TMEM260: variants seen among roughly 807,000 people sequenced by gnomAD.
The protein encoded by TMEM260 is protein O-mannosyl-transferase TMEM260.
In TMEM260, 82 loss-of-function variants were observed where a neutral mutation model predicts 88.9. The observed-to-expected ratio is 0.92, with a 90% CI of 0.77 to 1.11. TMEM260 has a LOEUF of 1.11. Ranked by LOEUF, TMEM260 falls within the 50% of genes least tolerant of loss-of-function variation. The probability of loss-of-function intolerance (pLI) is 0.00; values close to 1 mark genes in which losing one functional copy is unlikely to be tolerated. For missense variants in TMEM260, 902 were observed against 853.4 expected, an observed-to-expected ratio of 1.06 and a Z score of -0.71; for synonymous variants, 314 against 309.3, an observed-to-expected ratio of 1.02 and a Z score of -0.16.
intron 6 of TMEM260, among the ~76,000 whole-genome samples, chr14:56,610,958 T>C (rs1887223505): frequency 2.7e-5 from 4 of 147,604 alleles, no homozygotes; most frequent in Admixed American, 2.0e-4. Context: ...TTTCTTTCTT[T>C]CTTTCTTTCT....
chr14:56,647,717 T>G lies in TMEM260; in HGVS notation c.*220T>G. On this transcript the variant is annotated 3_prime_UTR_variant, in exon 16 of 16. Transcript: ENST00000261556. Reference sequence around the variant, plus strand: ...TTATCCCGTGTTACCAAATTACCATTTCAGTGAGAAGCTTTTGAAAAGTCT... The same window carrying G: ...TTATCCCGTGTTACCAAATTACCATGTCAGTGAGAAGCTTTTGAAAAGTCT... The G allele has an allele frequency of 1.9e-6, 1 of 514,268 alleles. No homozygotes were observed. The highest frequency in any genetic ancestry group is 3.4e-6 in the Non-Finnish European group (1 of 297,544). The allele number at this position is 514,268 out of a possible 1,614,324, so 31.9% of individuals were successfully genotyped here.
rs117477520 is a variant in TMEM260 at position 56,583,309 on chromosome 14, G to A, written c.161-1692G>A. Among the ~76,000 whole-genome samples, 11 of 152,262 alleles carry A rather than the reference G, an allele frequency of 7.2e-5. No homozygotes were observed. The South Asian group carries it at 1.7e-3, about 23-fold the overall frequency. ...GATATAAAATGTGCTGGTTTCTCAG[G>A]TGCTCTTGAATATCTCTTAACAAAT... On this transcript the variant is annotated intron_variant, in intron 1 of 15. Coordinates refer to ENST00000261556, the MANE Select transcript of TMEM260 (RefSeq NM_017799.4).
the TMEM260 span, among the ~76,000 whole-genome samples, chr14:56,655,889 G>T: frequency 2.0e-5 from 3 of 152,096 alleles, no homozygotes; most frequent in African/African-American, 7.2e-5. Context: ...AAGTCACTGT[G>T]ACTTCCCTCC....
At position 56,608,052 on chromosome 14, in the gene TMEM260, ATTTC is replaced by A. The variant is rs764158726; in HGVS notation, c.637-1051_637-1048del. Among the ~76,000 whole-genome samples, 7 of 152,312 alleles carry A rather than the reference ATTTC, an allele frequency of 4.6e-5. No individual in the cohort carries two copies. The South Asian group carries it at 6.2e-4, about 14-fold the overall frequency. On this transcript the variant is annotated intron_variant, in intron 5 of 15. Transcript: ENST00000261556. ...GCAAAGGCATGTTGTTAGATTAGTT[ATTTC>A]TTATGCTCCTTTCATGCCATCATTT...
rs1555332287 is a variant in TMEM260, at chr14:56,579,855, T to C, written c.-60T>C. On this transcript the variant is annotated 5_prime_UTR_variant, in exon 1 of 16. Transcript: ENST00000261556. The stretch of plus-strand genomic sequence containing the variant: ...TGCGCTCGTCTCTCGGCTGGGGAGC[T>C]CCGTGTCGCACCGGGTTCTTGGGCT... 2.4e-6 allele frequency: 3 copies of C among 1,225,512 alleles called. No individual in the cohort carries two copies. The highest frequency in any genetic ancestry group is 2.0e-6 in the Non-Finnish European group (2 of 982,582). The allele number at this position is 1,225,512 out of a possible 1,614,324, so 75.9% of individuals were successfully genotyped here.
At chr14:56,649,707 G>T (rs1890160922), downstream of TMEM260, among the ~76,000 whole-genome samples, 1 of 144,942 alleles carries the variant, frequency 6.9e-6, no homozygotes, top group Non-Finnish European at 1.5e-5. Flanking sequence ...ACCTCTTTTT[G>T]AGACTGTCTG....
intron 3 of TMEM260, among the ~76,000 whole-genome samples, chr14:56,592,679 C>A (rs1027597962): frequency 4.6e-5 from 7 of 152,132 alleles, no homozygotes; most frequent in African/African-American, 1.7e-4. Context: ...TTTATTTTAT[C>A]CTCCTTTATC....
At chr14:56,653,737 A>AAAACAAAAAAAAAAACAAAC (rs1555343540), downstream of TMEM260, among the ~76,000 whole-genome samples, 1 of 83,864 alleles carries the variant, frequency 1.2e-5, no homozygotes, top group African/African-American at 4.6e-5. Flanking sequence ...TCTTGTCTCC[A>AAAACAAAAAAAAAAACAAAC]AAACAAAAAA....
chr14:56,581,904 A>G (rs1276307778), intron 1 of TMEM260, among the ~76,000 whole-genome samples: 1 of 152,214 alleles, frequency 6.6e-6, no homozygotes, highest in Non-Finnish European at 1.5e-5. Context: ...TTTATTTAAA[A>G]TCATGATTAT....
intron 7 of TMEM260, chr14:56,613,514 T>C: frequency 6.6e-6 from 1 of 152,210 alleles, no homozygotes; most frequent in East Asian, 1.9e-4. Flanking sequence ...TTAATGACTA[T>C]ATTTTTCTAA....
downstream of TMEM260, among the ~76,000 whole-genome samples, chr14:56,655,127 C>T (rs1347065606): frequency 6.6e-6 from 1 of 152,076 alleles, no homozygotes; most frequent in Non-Finnish European, 1.5e-5. Flanking sequence ...CGTGGTGGCT[C>T]ACTCCTGTAA....
At position 56,621,406 on chromosome 14, in the gene TMEM260, G is replaced by T. The variant is rs555284059; in HGVS notation, c.1227-125G>T. On this transcript the variant is annotated intron_variant, in intron 10 of 15. Coordinates refer to ENST00000261556, the MANE Select transcript of TMEM260 (RefSeq NM_017799.4). Reference sequence around the variant, plus strand: ...CTCTTCAAATATACATATTATTTTAGAATGTATTGAAACACTAAATGTTGA... The same window carrying T: ...CTCTTCAAATATACATATTATTTTATAATGTATTGAAACACTAAATGTTGA... 6 of 633,868 alleles carry T rather than the reference G, an allele frequency of 9.5e-6. No individual in the cohort carries two copies. The African/African-American group carries it at 1.1e-4, about 12-fold the overall frequency. The allele number at this position is 633,868 out of a possible 1,614,324, so 39.3% of individuals were successfully genotyped here. A position where few individuals can be genotyped will look rare whatever the true frequency, so the allele number is the denominator to read the frequency against.
At chr14:56,630,248 G>C (rs1037424217) in intron 12 of TMEM260, among the ~76,000 whole-genome samples, 2 of 152,036 alleles carry the variant, frequency 1.3e-5, no homozygotes, top group African/African-American at 2.4e-5. Context: ...GCGTTAACTT[G>C]TTTGGAGTTT....
At position 56,647,685 on chromosome 14, in the gene TMEM260, A is replaced by C. The variant is rs764801935; in HGVS notation, c.*188A>C. ...GACTAAGGTCTGCTATTTATGCAAA[A>C]TTCTGTTTATCCCGTGTTACCAAAT... On this transcript the variant is annotated 3_prime_UTR_variant, in exon 16 of 16. Transcript: ENST00000261556. 6.0e-5 allele frequency: 36 copies of C among 599,344 alleles called. No homozygotes were observed. The highest frequency in any genetic ancestry group is 8.7e-5 in the Non-Finnish European group (32 of 366,288). The allele number at this position is 599,344 out of a possible 1,614,324, so 37.1% of individuals were successfully genotyped here. A position where few individuals can be genotyped will look rare whatever the true frequency, so the allele number is the denominator to read the frequency against.
At chr14:56,643,347 G>C (rs1198967592) in intron 15 of TMEM260, among the ~76,000 whole-genome samples, 1 of 152,180 alleles carries the variant, frequency 6.6e-6, no homozygotes, top group Non-Finnish European at 1.5e-5. Flanking sequence ...ATGCAAGGCT[G>C]GTTCAACATA....
rs749450115 is a variant in TMEM260, at chr14:56,585,768, ATCC to A, written c.205_207del (p.Pro69del). 6.2e-7 allele frequency: 1 copy of A among 1,610,988 alleles called. No homozygotes were observed. Among genetic ancestry groups the A allele is most frequent in the Non-Finnish European group, 8.5e-7 (1 of 1,178,970 alleles). ...TTGCTAATTTTTCCGTAGGTTGCCC[ATCC>A]TCCTGGCTATCCTTTGTTCACGCTG... On this transcript the variant is annotated inframe_deletion, in exon 3 of 16. Coordinates refer to ENST00000261556, the MANE Select transcript of TMEM260 (RefSeq NM_017799.4).
At chr14:56,631,683 G>GTGTT (rs901650955) in intron 12 of TMEM260, among the ~76,000 whole-genome samples, 3 of 151,640 alleles carry the variant, frequency 2.0e-5, no homozygotes, top group African/African-American at 7.3e-5. Context: ...ATGCTCACTT[G>GTGTT]TGTTATTCCC....
intron 15 of TMEM260, among the ~76,000 whole-genome samples, chr14:56,644,065 A>T (rs1889790069): frequency 1.3e-5 from 2 of 152,214 alleles, no homozygotes; most frequent in South Asian, 2.1e-4. Flanking sequence ...CAATTGCGTG[A>T]AAATGGCCAT....
rs544357793 is a variant in TMEM260 at position 56,581,913 on chromosome 14, A to G, written c.160+1839A>G. Among the ~76,000 whole-genome samples the G allele has an allele frequency of 2.6e-5, 4 of 152,316 alleles. No individual in the cohort carries two copies. The South Asian group carries it at 8.3e-4, about 32-fold the overall frequency. ...TTAAAATTTATTTAAAATCATGATTATTGCCTTGCCTTTATTAATACTGTA... is the reference window on the plus strand; with the variant it reads ...TTAAAATTTATTTAAAATCATGATTGTTGCCTTGCCTTTATTAATACTGTA... On this transcript the variant is annotated intron_variant, in intron 1 of 15. Coordinates refer to ENST00000261556, the MANE Select transcript of TMEM260 (RefSeq NM_017799.4).
Sources: gnomAD v4.1 joint callset for allele counts (sites outside exome capture counted in the v4.1 genomes callset) on GRCh38, gnomAD v4.1.1 for gene constraint, MANE v1.5 for transcripts, NCBI Gene and HGNC (gene_info 2026-07-23, HGNC 2026-07-21) for gene names.